DPYD: variants seen among roughly 807,000 people sequenced by gnomAD.
DPYD encodes dihydropyrimidine dehydrogenase.
A neutral mutation model predicts 116.2 loss-of-function variants in DPYD; 109 were observed. The observed-to-expected ratio is 0.94, with a 90% CI of 0.80 to 1.10. The LOEUF is 1.10. Ranked by LOEUF, DPYD falls within the 50% of genes least tolerant of loss-of-function variation. DPYD has a pLI of 0.00. For synonymous variants in DPYD, 440 were observed against 432.0 expected (o/e 1.02, Z -0.23); for missense variants, 1,302 against 1,254.5 (o/e 1.04, Z -0.57).
At chr1:97,876,797 G>A (rs992547298) in intron 2 of DPYD, among the ~76,000 whole-genome samples, 7 of 151,948 alleles carry the variant, frequency 4.6e-5, no homozygotes, top group South Asian at 4.1e-4. Context: ...TAGAAGTCAC[G>A]TTTTCAGAAA....
At chr1:97,349,314 T>G in intron 16 of DPYD, among the ~76,000 whole-genome samples, 1 of 149,958 alleles carries the variant, frequency 6.7e-6, no homozygotes, top group African/African-American at 2.4e-5. Flanking sequence ...TAGCAATGAT[T>G]CTTTTTTTTT....
intron 20 of DPYD, among the ~76,000 whole-genome samples, chr1:97,156,170 G>C (rs1310219032): frequency 1.3e-5 from 2 of 152,082 alleles, no homozygotes; most frequent in Admixed American, 6.6e-5. Context: ...TATTTGAAAT[G>C]AATAAATTTT....
chr1:97,546,961 T>A (rs1023234048), intron 12 of DPYD: 10 of 1,606,290 alleles, frequency 6.2e-6, no homozygotes, highest in Non-Finnish European at 8.5e-6. Flanking sequence ...AGATGATGAC[T>A]AAGCAGTACT....
intron 13 of DPYD, among the ~76,000 whole-genome samples, chr1:97,509,170 G>A (rs560116823): frequency 1.3e-5 from 2 of 152,062 alleles, no homozygotes; most frequent in African/African-American, 2.4e-5. Flanking sequence ...CCAAACTGTC[G>A]AAACAAGAGC....
chr1:97,650,237 G>A (rs2100839735), intron 8 of DPYD, among the ~76,000 whole-genome samples: 1 of 152,130 alleles, frequency 6.6e-6, no homozygotes, highest in East Asian at 1.9e-4. Flanking sequence ...CTAGAACAAG[G>A]ACTCTATCCT....
chr1:97,831,722 G>T (rs1444080198), intron 2 of DPYD, among the ~76,000 whole-genome samples: 4 of 151,822 alleles, frequency 2.6e-5, no homozygotes. Flanking sequence ...AAAGGCAACA[G>T]ATAAAAAGAG....
chr1:97,467,019 G>T (rs1677362887), intron 13 of DPYD, among the ~76,000 whole-genome samples: 1 of 152,182 alleles, frequency 6.6e-6, no homozygotes, highest in South Asian at 2.1e-4. Context: ...CAGGCACCTA[G>T]CTAGCCTTGA....
chr1:97,311,805 G>A (rs1484327664), intron 16 of DPYD, among the ~76,000 whole-genome samples: 2 of 151,762 alleles, frequency 1.3e-5, no homozygotes, highest in Admixed American at 6.6e-5. Flanking sequence ...ATAAGGCTTA[G>A]CAAAAGAAAC....
intron 11 of DPYD, among the ~76,000 whole-genome samples, chr1:97,563,676 T>A (rs1652324789): frequency 6.6e-6 from 1 of 152,162 alleles, no homozygotes; most frequent in Non-Finnish European, 1.5e-5. Context: ...CCTATTCCTA[T>A]GCAGTTATTA....
chr1:97,862,338 T>G (rs1394706632), intron 2 of DPYD, among the ~76,000 whole-genome samples: 1 of 151,892 alleles, frequency 6.6e-6, no homozygotes, highest in East Asian at 1.9e-4. Context: ...GAATTATATT[T>G]AAATTCAAAC....
intron 8 of DPYD, among the ~76,000 whole-genome samples, chr1:97,664,588 C>T (rs1309953011): frequency 6.6e-6 from 1 of 151,670 alleles, no homozygotes; most frequent in Non-Finnish European, 1.5e-5. Flanking sequence ...AACTATAAGT[C>T]AAAAGTTTTC....
rs572526209 is a variant in DPYD at position 97,708,603 on chromosome 1, C to T, written c.484-9056G>A. Among the ~76,000 whole-genome samples the T allele has an allele frequency of 8.6e-5, 13 of 152,038 alleles. 1 individual carries two copies. In the South Asian group the frequency reaches 2.5e-3, roughly 29 times the overall value. ...GTCCGAGTCCTCCAACTTTGTTGTT[C>T]TATATTATGTTGGTTAATCTTTTGC... On this transcript the variant is annotated intron_variant, in intron 5 of 22. Coordinates refer to ENST00000370192, the MANE Select transcript of DPYD (RefSeq NM_000110.4).
chr1:97,444,600 C>CATATGTAT (rs1675972825), intron 14 of DPYD, among the ~76,000 whole-genome samples: 1 of 152,208 alleles, frequency 6.6e-6, no homozygotes, highest in Non-Finnish European at 1.5e-5. Flanking sequence ...TGTATATACA[C>CATATGTAT]ATATACATAT....
chr1:97,265,050 C>G (rs1034023559), intron 18 of DPYD, among the ~76,000 whole-genome samples: 1 of 152,240 alleles, frequency 6.6e-6, no homozygotes, highest in Admixed American at 6.5e-5. Context: ...CATCCGTGGA[C>G]AGTGCCATTA....
chr1:97,682,827 T>C (rs1571183406), intron 7 of DPYD, among the ~76,000 whole-genome samples: 1 of 152,226 alleles, frequency 6.6e-6, no homozygotes, highest in East Asian at 1.9e-4. Context: ...TTTAGTAACA[T>C]ATTATTAGAT....
intron 19 of DPYD, among the ~76,000 whole-genome samples, chr1:97,214,932 G>C (rs1311666601): frequency 6.6e-6 from 1 of 152,034 alleles, no homozygotes; most frequent in Non-Finnish European, 1.5e-5. Flanking sequence ...CCCTTTCCTT[G>C]GGTTCTGCTT....
intron 20 of DPYD, among the ~76,000 whole-genome samples, chr1:97,161,518 A>G (rs895300525): frequency 1.3e-5 from 2 of 152,074 alleles, no homozygotes; most frequent in African/African-American, 4.8e-5. Context: ...ATATACAGAG[A>G]CATTATCCTA....
chr1:97,336,021 T>G (rs1405322417), intron 16 of DPYD, among the ~76,000 whole-genome samples: 1 of 152,176 alleles, frequency 6.6e-6, no homozygotes, highest in East Asian at 1.9e-4. Flanking sequence ...GTTTCATATT[T>G]TAGTCATGAA....
chr1:97,384,341 C>A (rs1430466368), intron 14 of DPYD, among the ~76,000 whole-genome samples: 1 of 150,174 alleles, frequency 6.7e-6, no homozygotes, highest in Non-Finnish European at 1.5e-5. Flanking sequence ...TTCTAAAAAC[C>A]AGGGAAAGAA....
Sources: gnomAD v4.1 joint callset for allele counts (sites outside exome capture counted in the v4.1 genomes callset) on GRCh38, gnomAD v4.1.1 for gene constraint, MANE v1.5 for transcripts, NCBI Gene and HGNC (gene_info 2026-07-23, HGNC 2026-07-21) for gene names.